Variants in EMC7 observed in about 807,000 individuals in gnomAD.
EMC7 encodes the protein ER membrane protein complex subunit 7.
In EMC7, 4 loss-of-function variants were observed where a neutral mutation model predicts 24.4. The observed-to-expected ratio is 0.16, with a 90% CI of 0.08 to 0.38. The LOEUF (loss-of-function observed/expected upper bound fraction) is 0.38. Ranked by LOEUF, EMC7 falls within the 10% of genes least tolerant of loss-of-function variation. The pLI, the probability that EMC7 is intolerant of heterozygous loss-of-function variation, is 1.00. For missense variants in EMC7, 221 were observed against 300.6 expected, an observed-to-expected ratio of 0.74 and a Z score of 1.96; for synonymous variants, 106 against 112.0, an observed-to-expected ratio of 0.95 and a Z score of 0.34.
At chr15:34,093,974 G>T (rs1467961673) in intron 2 of EMC7, among the ~76,000 whole-genome samples, 1 of 149,926 alleles carries the variant, frequency 6.7e-6, no homozygotes, top group East Asian at 2.0e-4. Context: ...GGCTATGATT[G>T]CACCTGAGAA....
intron 1 of EMC7, 21 bp downstream of exon 1, chr15:34,101,583 C>T: frequency 6.2e-7 from 1 of 1,611,232 alleles, no homozygotes; most frequent in East Asian, 2.2e-5. Context: ...GCCTTTTTCC[C>T]GCTGCCCTCA....
rs1901061330 is a variant in EMC7 at position 34,096,121 on chromosome 15, G to A, written c.237-107C>T. ...CCCGAAAAATGACATTAAAAGCAAC[G>A]GGCAAACAAACAAACAAAACCTTGG... On this transcript the variant is annotated intron_variant, in intron 1 of 4. Transcript: ENST00000256545. 7 of 1,263,548 alleles carry A rather than the reference G, an allele frequency of 5.5e-6. No individual in the cohort carries two copies. The South Asian group carries it at 1.1e-4, about 19-fold the overall frequency. The allele number at this position is 1,263,548 out of a possible 1,614,324, so 78.3% of individuals were successfully genotyped here. A position where few individuals can be genotyped will look rare whatever the true frequency, so the allele number is the denominator to read the frequency against.
intron 4 of EMC7, chr15:34,086,249 C>T: frequency 3.2e-6 from 1 of 317,366 alleles, no homozygotes; most frequent in South Asian, 3.2e-5. Flanking sequence ...CTGACTGGTG[C>T]CAGATAAACC....
At chr15:34,092,294 A>ACACACACACACAC (rs1555523201) in intron 2 of EMC7, among the ~76,000 whole-genome samples, 3 of 24,640 alleles carry the variant, frequency 1.2e-4, no homozygotes, top group East Asian at 1.1e-3. Context: ...CACACACACA[A>ACACACACACACAC]AGAATTAGGA....
intron 2 of EMC7, among the ~76,000 whole-genome samples, chr15:34,095,422 A>T (rs554329464): frequency 6.6e-6 from 1 of 152,328 alleles, no homozygotes; most frequent in East Asian, 1.9e-4. Context: ...TGTTTTCCCT[A>T]GAAATACTAT....
chr15:34,088,067 G>A lies in EMC7; in HGVS notation c.562C>T (p.Pro188Ser), dbSNP rs1484937077. The stretch of plus-strand genomic sequence containing the variant: ...CATCATCTTACCCGTCTCATGTCAG[G>A]ATCACTTGTGTTGACCACTTTAGGC... The part of the protein sequence containing the change: ...LLPKVVNTSD[P>S]DMRREMEQSM... Residue 188 changes from proline (P) to serine (S), a missense_variant, in exon 4 of 5, where the codon CCT (proline) becomes TCT (serine). Physicochemically the swap from Pro to Ser is moderately conservative, Grantham distance 74 (BLOSUM62 -1). Coordinates refer to ENST00000256545, the MANE Select transcript of EMC7 (RefSeq NM_020154.3). The A allele has an allele frequency of 4.3e-6, 7 of 1,609,924 alleles. No homozygotes were observed. Among genetic ancestry groups the A allele is most frequent in the East Asian group, 2.2e-5 (1 of 44,810 alleles).
At chr15:34,096,494 T>C (rs1343563954) in intron 1 of EMC7, among the ~76,000 whole-genome samples, 1 of 152,068 alleles carries the variant, frequency 6.6e-6, no homozygotes, top group Non-Finnish European at 1.5e-5. Context: ...TTACACTGAA[T>C]AGGTTCTGAA....
At chr15:34,099,165 C>A (rs1244511878) in intron 1 of EMC7, among the ~76,000 whole-genome samples, 1 of 151,860 alleles carries the variant, frequency 6.6e-6, no homozygotes, top group Non-Finnish European at 1.5e-5. Flanking sequence ...CAAGTAAAAT[C>A]CTATTATGCT....
At chr15:34,090,604 C>A in intron 2 of EMC7, 149 bp from the exon 3 acceptor site, 1 of 869,642 alleles carries the variant, frequency 1.1e-6, no homozygotes, top group Middle Eastern at 3.1e-4. Context: ...TCTTGAAAAT[C>A]TGACCAAAAT....
intron 2 of EMC7, among the ~76,000 whole-genome samples, chr15:34,095,283 A>C (rs1901046465): frequency 6.6e-6 from 1 of 152,220 alleles, no homozygotes; most frequent in Non-Finnish European, 1.5e-5. Context: ...TAAATAAATA[A>C]ATGTGTTCTA....
chr15:34,099,099 G>A (rs1901134687), intron 1 of EMC7, among the ~76,000 whole-genome samples: 1 of 109,914 alleles, frequency 9.1e-6, no homozygotes, highest in African/African-American at 2.7e-5. Context: ...ATCAATAATG[G>A]TAATGTGGTT....
At chr15:34,088,249 A>G in intron 3 of EMC7, 116 bp from the exon 4 acceptor site, 1 of 839,668 alleles carries the variant, frequency 1.2e-6, no homozygotes, top group Non-Finnish European at 1.9e-6. Flanking sequence ...CTATACAATA[A>G]CACTAGTAGC....
intron 1 of EMC7, among the ~76,000 whole-genome samples, chr15:34,097,968 C>CAAA (rs34286000): frequency 8.0e-6 from 1 of 125,672 alleles, no homozygotes. Flanking sequence ...GACTCCGTCT[C>CAAA]AAAAAAAAAA....
intron 2 of EMC7, among the ~76,000 whole-genome samples, chr15:34,092,454 T>G (rs1204242362): frequency 6.6e-6 from 1 of 152,068 alleles, no homozygotes; most frequent in Non-Finnish European, 1.5e-5. Flanking sequence ...GTTCAAGTGA[T>G]TCTCCTGCCT....
intron 2 of EMC7, among the ~76,000 whole-genome samples, chr15:34,094,879 T>A (rs1901040312): frequency 6.6e-6 from 1 of 152,176 alleles, no homozygotes; most frequent in Admixed American, 6.5e-5. Flanking sequence ...TGTGACTCAT[T>A]CTATTTGAAT....
At chr15:34,091,012 G>T (rs1389747646) in intron 2 of EMC7, among the ~76,000 whole-genome samples, 1 of 152,124 alleles carries the variant, frequency 6.6e-6, no homozygotes, top group Non-Finnish European at 1.5e-5. Context: ...TGTTTACATA[G>T]GATCCATTTT....
intron 2 of EMC7, among the ~76,000 whole-genome samples, chr15:34,093,806 C>CACACACACACACATATATAT (rs61440619): frequency 6.3e-4 from 19 of 30,238 alleles, no homozygotes; most frequent in South Asian, 2.0e-3. Context: ...CACACACACA[C>CACACACACACACATATATAT]ATATATATAT....
intron 1 of EMC7, 30 bp downstream of exon 1, chr15:34,101,574 C>T: frequency 1.9e-6 from 3 of 1,609,370 alleles, no homozygotes; most frequent in Non-Finnish European, 2.5e-6. Flanking sequence ...TCCATCCCAG[C>T]CTTTTTCCCG....
At chr15:34,086,279 G>T in intron 4 of EMC7, 1 of 286,108 alleles carries the variant, frequency 3.5e-6, no homozygotes, top group Non-Finnish European at 6.9e-6. Flanking sequence ...TCTTTTTGAT[G>T]ATCTTGGGCT....
Sources: allele counts gnomAD v4.1 joint callset (sites outside exome capture counted in the v4.1 genomes callset), GRCh38; gene constraint gnomAD v4.1.1; transcripts MANE v1.5; gene names NCBI Gene and HGNC (gene_info 2026-07-23, HGNC 2026-07-21).